The following GRIK4 variants were observed in gnomAD, a reference collection of about 807,000 sequenced individuals.
GRIK4 encodes the protein glutamate receptor ionotropic, kainate 4.
A neutral mutation model predicts 104.9 loss-of-function variants in GRIK4; 40 were observed. The ratio of observed to expected loss-of-function variants is 0.38; its 90% CI spans 0.30 to 0.50. GRIK4 has a LOEUF of 0.50. Ranked by LOEUF, GRIK4 falls within the 20% of genes least tolerant of loss-of-function variation. The pLI, the probability that GRIK4 is intolerant of heterozygous loss-of-function variation, is 0.93. For missense variants in GRIK4, 1,047 were observed against 1,308.1 expected (o/e 0.80, Z 3.08); for synonymous variants, 485 against 524.9 (o/e 0.92, Z 1.04).
At chr11:120,936,245 T>C (rs1943596343) in intron 13 of GRIK4, 2 of 473,886 alleles carry the variant, frequency 4.2e-6, no homozygotes, top group Non-Finnish European at 8.3e-6. Flanking sequence ...CCGCTAGTCA[T>C]CTGCCGCCGT....
intron 3 of GRIK4, among the ~76,000 whole-genome samples, chr11:120,672,367 G>GC (rs1950033481): frequency 1.3e-5 from 2 of 152,094 alleles, no homozygotes; most frequent in Admixed American, 1.3e-4. Context: ...AGTGAGCCAG[G>GC]ATTGCACCAC....
rs769874006 is a variant in GRIK4, at chr11:120,953,008, G to T, written c.1700+44G>T. The T allele has an allele frequency of 1.2e-5, 15 of 1,287,220 alleles. No individual in the cohort carries two copies. The South Asian group carries it at 1.3e-4, about 11-fold the overall frequency. The allele number at this position is 1,287,220 out of a possible 1,614,324, so 79.7% of individuals were successfully genotyped here. A position where few individuals can be genotyped will look rare whatever the true frequency, so the allele number is the denominator to read the frequency against. Reference sequence around the variant, plus strand: ...CCCTGTCCTTACACCGCCACCTCGTGTCCACCTCTGGGAACTGCATGGGGA... The same window carrying T: ...CCCTGTCCTTACACCGCCACCTCGTTTCCACCTCTGGGAACTGCATGGGGA... On this transcript the variant is annotated intron_variant, in intron 15 of 20. Coordinates refer to ENST00000527524, the MANE Select transcript of GRIK4 (RefSeq NM_014619.5). This position sits in a 1 kb window ranked among gnomAD's most constrained non-coding sequence, Gnocchi z 4.9.
intron 11 of GRIK4, among the ~76,000 whole-genome samples, chr11:120,882,439 C>T (rs1033320069): frequency 6.6e-6 from 1 of 152,150 alleles, no homozygotes; most frequent in Non-Finnish European, 1.5e-5. Flanking sequence ...GGGAACAGAC[C>T]TCCGTGGGCC....
intron 3 of GRIK4, among the ~76,000 whole-genome samples, chr11:120,743,028 C>G (rs1306589369): frequency 6.6e-6 from 1 of 152,076 alleles, no homozygotes. Context: ...GTCAGGAGTT[C>G]GAGACCAGCC....
chr11:120,526,953 GATGTT>G (rs1475577482), intron 1 of GRIK4, among the ~76,000 whole-genome samples: 2 of 152,266 alleles, frequency 1.3e-5, no homozygotes, highest in Non-Finnish European at 2.9e-5. Flanking sequence ...AACCTGGAAT[GATGTT>G]AATAGAAATA....
At chr11:120,687,290 T>C (rs1390037741) in intron 3 of GRIK4, among the ~76,000 whole-genome samples, 2 of 152,226 alleles carry the variant, frequency 1.3e-5, no homozygotes, top group Non-Finnish European at 2.9e-5. Flanking sequence ...TCTTGGGTTC[T>C]AGTGCTTTTT....
chr11:120,706,391 C>T (rs12295113), intron 3 of GRIK4, among the ~76,000 whole-genome samples: 16,932 of 152,230 alleles, frequency 0.11, 1,064 homozygotes, highest in African/African-American at 0.15. Flanking sequence ...ATTCCGACTG[C>T]GTTGGCATGC....
chr11:120,619,382 T>G (rs1949156705), intron 1 of GRIK4, among the ~76,000 whole-genome samples: 1 of 152,228 alleles, frequency 6.6e-6, no homozygotes, highest in Non-Finnish European at 1.5e-5. Flanking sequence ...GAGACTTCCT[T>G]TATCTCAAAT....
intron 1 of GRIK4, among the ~76,000 whole-genome samples, chr11:120,527,247 C>T (rs975539564): frequency 1.3e-5 from 2 of 152,234 alleles, no homozygotes; most frequent in African/African-American, 4.8e-5. Context: ...CCTGCCAGGC[C>T]TCAGCTTTCA....
intron 1 of GRIK4, among the ~76,000 whole-genome samples, chr11:120,602,981 G>C (rs1048472777): frequency 5.3e-5 from 8 of 152,340 alleles, no homozygotes; most frequent in African/African-American, 1.9e-4. Context: ...GGGATTACAG[G>C]CATGAGCCAC....
chr11:120,872,758 T>C, intron 9 of GRIK4: 1 of 189,752 alleles, frequency 5.3e-6, no homozygotes, highest in Non-Finnish European at 1.1e-5. Context: ...TTTTGTTTGT[T>C]TGTTTGTTTG....
At chr11:120,515,002 A>C (rs1947707446) in intron 1 of GRIK4, 1 of 456,564 alleles carries the variant, frequency 2.2e-6, no homozygotes, top group Non-Finnish European at 4.4e-6. Flanking sequence ...CGCTTCTCAC[A>C]GGGGACCCTG....
At chr11:120,957,587 A>T (rs1944185701) in intron 16 of GRIK4, among the ~76,000 whole-genome samples, 1 of 40,324 alleles carries the variant, frequency 2.5e-5, no homozygotes. Context: ...GAAAGACAAA[A>T]CAAATGTGTG....
intron 13 of GRIK4, among the ~76,000 whole-genome samples, chr11:120,911,181 A>G (rs917517781): frequency 6.6e-6 from 1 of 151,772 alleles, no homozygotes; most frequent in South Asian, 2.1e-4. Context: ...CTGTTGCAAG[A>G]GATGGTGAGA....
chr11:120,543,166 G>A (rs888536857), intron 1 of GRIK4, among the ~76,000 whole-genome samples: 1 of 152,148 alleles, frequency 6.6e-6, no homozygotes, highest in African/African-American at 2.4e-5. Context: ...TGAGTACTAG[G>A]CTTAGTACCT....
chr11:120,715,227 T>C (rs1357262285), intron 3 of GRIK4, among the ~76,000 whole-genome samples: 2 of 152,054 alleles, frequency 1.3e-5, no homozygotes, highest in Non-Finnish European at 2.9e-5. Flanking sequence ...AGGATATGTG[T>C]GATCAAGGGA....
At chr11:120,917,713 A>G (rs552964847) in intron 13 of GRIK4, among the ~76,000 whole-genome samples, 2 of 151,966 alleles carry the variant, frequency 1.3e-5, no homozygotes, top group Admixed American at 1.3e-4. Flanking sequence ...GCCCGGGGGG[A>G]TCTGGAAGGG....
chr11:120,694,313 C>T (rs373717553), intron 3 of GRIK4, among the ~76,000 whole-genome samples: 15 of 152,316 alleles, frequency 9.8e-5, no homozygotes, highest in East Asian at 1.9e-4. Context: ...TCATATCCTG[C>T]GACCTAAGAC....
chr11:120,969,268 GA>G (rs1944434576), intron 19 of GRIK4, among the ~76,000 whole-genome samples: 3 of 152,030 alleles, frequency 2.0e-5, no homozygotes, highest in Non-Finnish European at 1.5e-5. Context: ...CAGAGTAAAA[GA>G]AAATGGGGGG....
Sources: gnomAD v4.1 joint callset for allele counts (sites outside exome capture counted in the v4.1 genomes callset) on GRCh38, gnomAD v4.1.1 for gene constraint, Gnocchi (gnomAD v3.1) non-coding constraint, MANE v1.5 for transcripts, NCBI Gene and HGNC (gene_info 2026-07-23, HGNC 2026-07-21) for gene names.